ZMYM1: variants seen among roughly 807,000 people sequenced by gnomAD.
ZMYM1 encodes the protein zinc finger MYM-type containing 1.
Under a neutral mutation model 60.0 loss-of-function variants are expected in ZMYM1, and 39 were observed. That is an observed-to-expected ratio of 0.65 (90% CI 0.50 to 0.85). ZMYM1 has a LOEUF of 0.85. ZMYM1 is among the 40% of genes least tolerant of loss of function. The probability of loss-of-function intolerance (pLI) is 0.00; values close to 1 mark genes in which losing one functional copy is unlikely to be tolerated. For missense variants in ZMYM1, 1,171 were observed against 1,309.5 expected, an observed-to-expected ratio of 0.89 and a Z score of 1.63; for synonymous variants, 413 against 454.0, an observed-to-expected ratio of 0.91 and a Z score of 1.15.
intron 4 of ZMYM1, among the ~76,000 whole-genome samples, chr1:35,098,694 C>CCGAGG (rs1269003467): frequency 6.6e-6 from 1 of 152,060 alleles, no homozygotes; most frequent in African/African-American, 2.4e-5. Flanking sequence ...AATGCCTGAG[C>CCGAGG]TCAGGAGTTT....
chr1:35,106,781 T>TC lies in ZMYM1; in HGVS notation c.807+2014dup, dbSNP rs1455925340. Among the ~76,000 whole-genome samples, 8 of 152,106 alleles carry TC rather than the reference T, an allele frequency of 5.3e-5. No homozygotes were observed. In the East Asian group the frequency reaches 1.6e-3, roughly 30 times the overall value. On this transcript the variant is annotated intron_variant, in intron 6 of 9. Transcript: ENST00000359858. ...TTCTCCCAAAGGCAGGAAATAATAT[T>TC]CCTTTTTTTTTCTTTCTTTCTTTTT...
chr1:35,069,692 T>C (rs181737647), intron 1 of ZMYM1, among the ~76,000 whole-genome samples: 47 of 152,322 alleles, frequency 3.1e-4, no homozygotes, highest in African/African-American at 1.1e-3. Context: ...TTTCCCTGTG[T>C]TTTCTTCTAG....
In ZMYM1 at chr1:35,107,712, A is replaced by G. The variant is rs573231338; in HGVS notation, c.808-2582A>G. ...AAATGGGGTAGCTTTTTATTTTTAA[A>G]AAGTGGATTATTAGATGTAATTGTA... On this transcript the variant is annotated intron_variant, in intron 6 of 9. Coordinates refer to ENST00000359858, the MANE Select transcript of ZMYM1 (RefSeq NM_024772.5). Among the ~76,000 whole-genome samples the G allele has an allele frequency of 5.9e-5, 9 of 152,232 alleles. No homozygotes were observed. The East Asian group carries it at 7.7e-4, about 13-fold the overall frequency.
chr1:35,110,134 T>C (rs1223057632), intron 6 of ZMYM1, among the ~76,000 whole-genome samples, 160 bp from the exon 7 acceptor site: 1 of 152,224 alleles, frequency 6.6e-6, no homozygotes, highest in African/African-American at 2.4e-5. Context: ...CAATATTCTT[T>C]TAGTTATTGC....
At chr1:35,064,118 G>A (rs761710656) in intron 1 of ZMYM1, among the ~76,000 whole-genome samples, 1 of 152,074 alleles carries the variant, frequency 6.6e-6, no homozygotes, top group Non-Finnish European at 1.5e-5. Context: ...GAGGTCAGGA[G>A]TTCAAGACCA....
chr1:35,087,165 A>C (rs571849746), intron 1 of ZMYM1, among the ~76,000 whole-genome samples: 28 of 147,290 alleles, frequency 1.9e-4, no homozygotes, highest in African/African-American at 5.5e-4. Context: ...TAATTTTTTG[A>C]ATTTTGAGTA....
At chr1:35,066,004 T>G (rs1372268606) in intron 1 of ZMYM1, among the ~76,000 whole-genome samples, 1 of 152,176 alleles carries the variant, frequency 6.6e-6, no homozygotes, top group African/African-American at 2.4e-5. Context: ...CCAGATAAGC[T>G]GTTCTATACA....
chr1:35,065,761 T>C (rs1447839165), intron 1 of ZMYM1, among the ~76,000 whole-genome samples: 1 of 151,776 alleles, frequency 6.6e-6, no homozygotes. Context: ...AAAACTTGGC[T>C]CTTTGGAAAG....
intron 6 of ZMYM1, among the ~76,000 whole-genome samples, chr1:35,105,118 ATTTC>A (rs1275252182): frequency 4.9e-5 from 6 of 123,614 alleles, no homozygotes; most frequent in South Asian, 2.6e-4. Flanking sequence ...TATTTATTTT[ATTTC>A]TTTCTTTTTT....
At chr1:35,091,615 G>C (rs568149458) in intron 1 of ZMYM1, among the ~76,000 whole-genome samples, 1 of 152,114 alleles carries the variant, frequency 6.6e-6, no homozygotes, top group Non-Finnish European at 1.5e-5. Flanking sequence ...TGTGATCATA[G>C]GCTGGGAGCA....
Position 35,097,467 on chromosome 1 carries a change from G to A in ZMYM1, c.320G>A (p.Gly107Glu). The A allele has an allele frequency of 6.2e-7, 1 of 1,614,110 alleles. No homozygotes were observed. Among genetic ancestry groups the A allele is most frequent in the Non-Finnish European group, 8.5e-7 (1 of 1,180,014 alleles). The change falls in exon 4 of 10, where the codon GGA becomes GAA. Residue 107 changes from glycine (G) to glutamate (E), a missense_variant. By Grantham distance (98) the Gly-to-Glu change is moderately conservative. Coordinates refer to ENST00000359858, the MANE Select transcript of ZMYM1 (RefSeq NM_024772.5). ...QKGQTAYQRK[G>E]SAQLFCSIPC... ...GGGCAAACTGCTTATCAGAGGAAAG[G>A]ATCTGCTCAACTTTTCTGCTCCATA...
intron 1 of ZMYM1, among the ~76,000 whole-genome samples, chr1:35,061,441 G>C (rs1019985986): frequency 2.0e-5 from 3 of 152,102 alleles, no homozygotes; most frequent in Non-Finnish European, 4.4e-5. Context: ...TGTCAATCAA[G>C]ATAGATAGAT....
chr1:35,110,710 C>T (rs1250372644), intron 7 of ZMYM1, among the ~76,000 whole-genome samples: 9 of 152,128 alleles, frequency 5.9e-5, no homozygotes, highest in Admixed American at 3.9e-4. Context: ...GTGGGCAGAT[C>T]GCCTGAGGTC....
At chr1:35,076,263 C>CCAGGGGA (rs1642164264), upstream of ZMYM1, among the ~76,000 whole-genome samples, 1 of 152,182 alleles carries the variant, frequency 6.6e-6, no homozygotes, top group South Asian at 2.1e-4. Flanking sequence ...ACCTGTCAAG[C>CCAGGGGA]CAGGGGACAC....
chr1:35,062,234 T>G (rs1641889988), intron 1 of ZMYM1, among the ~76,000 whole-genome samples: 1 of 152,184 alleles, frequency 6.6e-6, no homozygotes, highest in African/African-American at 2.4e-5. Context: ...CTTCTCTAAA[T>G]GGAAACTTTG....
chr1:35,065,834 A>G (rs998451707), intron 1 of ZMYM1, among the ~76,000 whole-genome samples: 7 of 152,112 alleles, frequency 4.6e-5, no homozygotes, highest in African/African-American at 1.4e-4. Flanking sequence ...ACCACAACTT[A>G]TTAATATCAG....
At position 35,112,178 on chromosome 1, in the gene ZMYM1, T is replaced by G. The variant is rs1248502906; in HGVS notation, c.1146+48T>G. The G allele has an allele frequency of 1.5e-5, 24 of 1,587,410 alleles. No homozygotes were observed. The East Asian group carries it at 4.9e-4, about 33-fold the overall frequency. ...ACTGTCTTTTTTTAATAAGCAGATT[T>G]TTGTTGTTGTTGTTGTTGAGACAGA... is the stretch of plus-strand genomic sequence containing the variant. On this transcript the variant is annotated intron_variant, in intron 9 of 9. Transcript: ENST00000359858.
intron 4 of ZMYM1, among the ~76,000 whole-genome samples, chr1:35,098,038 A>AT (rs1230278750): frequency 4.6e-5 from 7 of 150,912 alleles, no homozygotes; most frequent in African/African-American, 7.3e-5. Flanking sequence ...CTGTAGAAAT[A>AT]TTTTTTTTTG....
intron 1 of ZMYM1, among the ~76,000 whole-genome samples, chr1:35,090,551 G>A (rs1642940871): frequency 6.6e-6 from 1 of 152,158 alleles, no homozygotes; most frequent in Admixed American, 6.6e-5. Context: ...AAGAGACCTT[G>A]CTTTCGTAGT....
Sources: gnomAD v4.1 joint callset for allele counts (sites outside exome capture counted in the v4.1 genomes callset) on GRCh38, gnomAD v4.1.1 for gene constraint, MANE v1.5 for transcripts, NCBI Gene and HGNC (gene_info 2026-07-23, HGNC 2026-07-21) for gene names.